The following DLG2 variants were observed in gnomAD, a reference collection of about 807,000 sequenced individuals.
DLG2 encodes the protein disks large homolog 2.
In DLG2, 45 loss-of-function variants were observed where a neutral mutation model predicts 132.5. The ratio of observed to expected loss-of-function variants is 0.34; its 90% CI spans 0.27 to 0.44. The LOEUF (loss-of-function observed/expected upper bound fraction) is 0.44, where lower values mean the gene tolerates loss of function less well. Among genes scored for constraint, DLG2 ranks in the 20% least tolerant of loss-of-function variants. The probability of loss-of-function intolerance (pLI) is 1.00; values close to 1 mark genes in which losing one functional copy is unlikely to be tolerated. For synonymous variants in DLG2, 424 were observed against 419.6 expected (o/e 1.01, Z -0.13); for missense variants, 1,045 against 1,196.9 (o/e 0.87, Z 1.87).
intron 17 of DLG2, among the ~76,000 whole-genome samples, chr11:83,815,490 T>C (rs1383309208): frequency 6.6e-6 from 1 of 152,154 alleles, no homozygotes; most frequent in Non-Finnish European, 1.5e-5. Flanking sequence ...CAGCTGACCC[T>C]GTGATGTGCG....
chr11:85,549,864 T>A (rs1332323909), intron 3 of DLG2, among the ~76,000 whole-genome samples: 1 of 152,144 alleles, frequency 6.6e-6, no homozygotes, highest in South Asian at 2.1e-4. Context: ...CATGGCAACA[T>A]CAGAAAGTTA....
intron 6 of DLG2, among the ~76,000 whole-genome samples, chr11:84,693,991 A>G (rs2058343669): frequency 6.6e-6 from 1 of 151,692 alleles, no homozygotes; most frequent in South Asian, 2.1e-4. Context: ...GTCATACCAT[A>G]CATGTAATTG....
rs552323053 is a variant in DLG2 at position 84,093,223 on chromosome 11, T to C, written c.749+5700A>G. Reference sequence around the variant, plus strand: ...AGATGTCAGCTGAGCTGCATTCTCATCTCAAGGTTCAGGGTCTTCTTCCGA... The same window carrying C: ...AGATGTCAGCTGAGCTGCATTCTCACCTCAAGGTTCAGGGTCTTCTTCCGA... On this transcript the variant is annotated intron_variant, in intron 10 of 27. Coordinates refer to ENST00000376104, the MANE Select transcript of DLG2 (RefSeq NM_001142699.3). Among the ~76,000 whole-genome samples the C allele has an allele frequency of 7.9e-5, 12 of 152,274 alleles. No homozygotes were observed. In the South Asian group the frequency reaches 2.5e-3, roughly 32 times the overall value.
At chr11:84,195,218 C>G (rs1344442159) in intron 8 of DLG2, among the ~76,000 whole-genome samples, 1 of 152,206 alleles carries the variant, frequency 6.6e-6, no homozygotes, top group Non-Finnish European at 1.5e-5. Context: ...GGCTGGAGTG[C>G]AGTGGTGCGG....
At position 85,045,448 on chromosome 11, in the gene DLG2, G is replaced by A. The variant is rs190249744; in HGVS notation, c.357+66213C>T. 8.7e-4 allele frequency among the ~76,000 whole-genome samples: 133 copies of A among 152,126 alleles called. 1 individual carries two copies. Among genetic ancestry groups the A allele is most frequent in the African/African-American group, 3.1e-3 (129 of 41,536 alleles). ...GCAAAAGTGAAAATAGCTTGCTTTT[G>A]TGGTAGTTAAACTATAAGTGATTCT... On this transcript the variant is annotated intron_variant, in intron 6 of 27. Coordinates refer to ENST00000376104, the MANE Select transcript of DLG2 (RefSeq NM_001142699.3).
At chr11:83,978,509 T>C (rs937601216) in intron 12 of DLG2, among the ~76,000 whole-genome samples, 33 of 152,156 alleles carry the variant, frequency 2.2e-4, no homozygotes, top group African/African-American at 7.5e-4. Context: ...AATGACAACC[T>C]TTGTTGTCCA....
intron 6 of DLG2, among the ~76,000 whole-genome samples, chr11:84,741,446 C>A (rs541111001): frequency 1.3e-5 from 2 of 152,122 alleles, no homozygotes; most frequent in South Asian, 4.2e-4. Flanking sequence ...ATACACGTAC[C>A]CTTGATCTAA....
chr11:83,510,678 G>A lies in DLG2; in HGVS notation c.2193+22030C>T, dbSNP rs148271001. ...TCAGGCTCTTCGGTATAGCTCTCAC[G>A]GTGTCTCCCATCTAAATATTTCCTT... On this transcript the variant is annotated intron_variant, in intron 21 of 27. Coordinates refer to ENST00000376104, the MANE Select transcript of DLG2 (RefSeq NM_001142699.3). Among the ~76,000 whole-genome samples, 295 of 152,074 alleles carry A rather than the reference G, an allele frequency of 1.9e-3. 1 individual carries two copies. Among genetic ancestry groups the A allele is most frequent in the Non-Finnish European group, 3.3e-3 (226 of 67,994 alleles).
chr11:84,208,278 T>C (rs1250615433), intron 8 of DLG2, among the ~76,000 whole-genome samples: 1 of 151,984 alleles, frequency 6.6e-6, no homozygotes, highest in Non-Finnish European at 1.5e-5. Context: ...TGGTGCACTC[T>C]CTCAGGACCT....
intron 7 of DLG2, among the ~76,000 whole-genome samples, chr11:84,522,386 G>C (rs1237282466): frequency 6.6e-6 from 1 of 152,150 alleles, no homozygotes; most frequent in Non-Finnish European, 1.5e-5. Context: ...TTAAGGTCAA[G>C]GTGGGAGGTG....
intron 5 of DLG2, among the ~76,000 whole-genome samples, chr11:85,128,949 C>T (rs1316561793): frequency 6.6e-6 from 1 of 152,188 alleles, no homozygotes; most frequent in Non-Finnish European, 1.5e-5. Flanking sequence ...TCCACCACAA[C>T]ATCACTTAGA....
Position 83,736,719 on chromosome 11 carries a change from T to C in DLG2, c.1825+49971A>G, listed in dbSNP as rs72954541. Among the ~76,000 whole-genome samples, 616 of 152,206 alleles carry C rather than the reference T, an allele frequency of 4.0e-3. 2 individuals are homozygous for C. The highest frequency in any genetic ancestry group is 0.014 in the Middle Eastern group (4 of 294). ...AAGTGCCTGTTTCTTCTCTAGAGCA[T>C]TGCCCTAAAGAATAAGAAGAAGAAG... On this transcript the variant is annotated intron_variant, in intron 18 of 27. Coordinates refer to ENST00000376104, the MANE Select transcript of DLG2 (RefSeq NM_001142699.3).
chr11:84,558,577 C>T (rs1451382074), intron 6 of DLG2, among the ~76,000 whole-genome samples: 1 of 152,168 alleles, frequency 6.6e-6, no homozygotes, highest in Admixed American at 6.6e-5. Flanking sequence ...ATCCTGCCAT[C>T]CAAGACCCTC....
In DLG2 at chr11:84,534,650, C is replaced by G; in HGVS notation, c.439G>C (p.Val147Leu). 6.2e-7 allele frequency: 1 copy of G among 1,613,930 alleles called. No homozygotes were observed. The highest frequency in any genetic ancestry group is 8.5e-7 in the Non-Finnish European group (1 of 1,179,906). ...GAGAGGTTCTTTTCTGATACATGCA[C>G]GAGTTCTGGGCCTCTTACTTCGTGG... ...LTHEVRGPELVHVSEKNLSQI... is the reference protein window; with the variant it reads ...LTHEVRGPELLHVSEKNLSQI... The change falls in exon 7 of 28, where the codon GTG becomes CTG. Residue 147 changes from valine to leucine, a missense_variant. Val to Leu is a conservative substitution (Grantham distance 32, BLOSUM62 1). Coordinates refer to ENST00000376104, the MANE Select transcript of DLG2 (RefSeq NM_001142699.3).
chr11:85,213,052 G>C (rs555310320), intron 4 of DLG2, among the ~76,000 whole-genome samples: 4 of 151,970 alleles, frequency 2.6e-5, no homozygotes, highest in African/African-American at 9.7e-5. Context: ...TATTTGATAG[G>C]ACCACAAAGG....
intron 18 of DLG2, among the ~76,000 whole-genome samples, chr11:83,770,265 G>GTTTTTTTTTTTTTTTTTTTTTTTT (rs71066064): frequency 5.4e-4 from 69 of 128,680 alleles, no homozygotes; most frequent in African/African-American, 7.9e-4. Flanking sequence ...GTTTTTTTTT[G>GTTTTTTTTTTTTTTTTTTTTTTTT]TTTTTTTGCT....
intron 7 of DLG2, among the ~76,000 whole-genome samples, chr11:84,503,613 T>G (rs769385912): frequency 6.6e-5 from 10 of 152,138 alleles, no homozygotes; most frequent in Non-Finnish European, 1.0e-4. Context: ...CTACCCTCAT[T>G]TCCAACAAGG....
chr11:85,388,957 A>G (rs1347791647), intron 3 of DLG2, among the ~76,000 whole-genome samples: 1 of 152,174 alleles, frequency 6.6e-6, no homozygotes, highest in Non-Finnish European at 1.5e-5. Context: ...AATGCCCCCA[A>G]AAGATCACAA....
Position 85,085,549 on chromosome 11 carries a change from A to G in DLG2, c.357+26112T>C, listed in dbSNP as rs1203706776. The stretch of plus-strand genomic sequence containing the variant: ...TAATATTTATAAATATTATATTTTT[A>G]CCAAATATAACCTACTTATTAAAAT... On this transcript the variant is annotated intron_variant, in intron 6 of 27. Coordinates refer to ENST00000376104, the MANE Select transcript of DLG2 (RefSeq NM_001142699.3). 2.6e-5 allele frequency among the ~76,000 whole-genome samples: 4 copies of G among 152,014 alleles called. 1 individual carries two copies. The South Asian group carries it at 8.3e-4, about 31-fold the overall frequency.
Sources: gnomAD v4.1 joint callset for allele counts (sites outside exome capture counted in the v4.1 genomes callset) on GRCh38, gnomAD v4.1.1 for gene constraint, MANE v1.5 for transcripts, NCBI Gene and HGNC (gene_info 2026-07-23, HGNC 2026-07-21) for gene names.